Variants in STPG2 observed in about 807,000 individuals in gnomAD.
STPG2 encodes the protein sperm tail PG-rich repeat containing 2, also known as sperm-tail PG-rich repeat-containing protein 2.
In STPG2, 56 loss-of-function variants were observed where a neutral mutation model predicts 54.2. The ratio of observed to expected loss-of-function variants is 1.03; its 90% confidence interval spans 0.83 to 1.29. The LOEUF (loss-of-function observed/expected upper bound fraction) is 1.29, where lower values mean the gene tolerates loss of function less well. Ranked by LOEUF, STPG2 falls within the 50% of genes most tolerant of loss-of-function variation. STPG2 has a pLI of 0.00. For missense variants in STPG2, 596 were observed against 544.9 expected, an observed-to-expected ratio of 1.09 and a Z score of -0.93; for synonymous variants, 200 against 181.8, an observed-to-expected ratio of 1.10 and a Z score of -0.81.
chr4:97,959,723 A>C (rs938916781), intron 7 of STPG2, among the ~76,000 whole-genome samples: 2 of 152,078 alleles, frequency 1.3e-5, no homozygotes, highest in African/African-American at 2.4e-5. Flanking sequence ...AAGAAAAAAA[A>C]AAGTCCAGGA....
chr4:97,920,325 T>C (rs559079395), intron 8 of STPG2, among the ~76,000 whole-genome samples: 2 of 152,226 alleles, frequency 1.3e-5, no homozygotes, highest in Non-Finnish European at 2.9e-5. Flanking sequence ...CTTTGAGCTG[T>C]ACTTGTTTAG....
At chr4:97,566,630 C>G (rs1732454178) in intron 10 of STPG2, among the ~76,000 whole-genome samples, 1 of 152,106 alleles carries the variant, frequency 6.6e-6, no homozygotes, top group African/African-American at 2.4e-5. Context: ...TTGGAACCAA[C>G]CCAAATGTCC....
rs188930377 is a variant in STPG2 at position 97,805,002 on chromosome 4, G to T, written c.1204+35771C>A. Among the ~76,000 whole-genome samples, 25 of 152,118 alleles carry T rather than the reference G, an allele frequency of 1.6e-4. No homozygotes were observed. The East Asian group carries it at 3.1e-3, about 19-fold the overall frequency. Reference sequence around the variant, plus strand: ...TTACGCTCTATGATGTTCATACAAGGACAATATTACCTAACAACATATTTC... The same window carrying T: ...TTACGCTCTATGATGTTCATACAAGTACAATATTACCTAACAACATATTTC... On this transcript the variant is annotated intron_variant, in intron 9 of 10. Coordinates refer to ENST00000295268, the MANE Select transcript of STPG2 (RefSeq NM_174952.3).
chr4:98,095,905 T>C (rs1738843873), intron 5 of STPG2, among the ~76,000 whole-genome samples: 2 of 152,192 alleles, frequency 1.3e-5, no homozygotes, highest in South Asian at 4.1e-4. Flanking sequence ...GAATAGACTA[T>C]ATGTTAGTCC....
chr4:97,531,340 T>C (rs12504489), intron 4 of STPG2, among the ~76,000 whole-genome samples: 9,149 of 152,216 alleles, frequency 0.06, 404 homozygotes, highest in Admixed American at 0.14. Context: ...TACAATCCAA[T>C]AATCTCACTG....
chr4:97,908,726 G>T (rs1405344761), intron 8 of STPG2, among the ~76,000 whole-genome samples: 2 of 151,546 alleles, frequency 1.3e-5, no homozygotes, highest in Non-Finnish European at 2.9e-5. Context: ...GGACATGGAT[G>T]AAATTGGAAA....
At chr4:98,037,530 C>T (rs1187048209) in intron 5 of STPG2, among the ~76,000 whole-genome samples, 1 of 151,754 alleles carries the variant, frequency 6.6e-6, no homozygotes, top group African/African-American at 2.4e-5. Flanking sequence ...TTCTATTTAT[C>T]AGGAAGACAA....
At chr4:97,613,345 T>C (rs1733776148) in intron 10 of STPG2, among the ~76,000 whole-genome samples, 1 of 152,060 alleles carries the variant, frequency 6.6e-6, no homozygotes, top group African/African-American at 2.4e-5. Context: ...GTGATGTTCT[T>C]ATAATTAAAC....
chr4:97,703,597 TAAGTAGTGTATAG>T lies in STPG2; in HGVS notation c.1320+9089_1320+9101del, dbSNP rs1723848195. ...TAGTATATATAGTATATATATACTA[TAAGTAGTGTATAG>T]TATATATACTATATATATTATATAT... On this transcript the variant is annotated intron_variant, in intron 10 of 10. Transcript: ENST00000295268. Among the ~76,000 whole-genome samples the T allele has an allele frequency of 5.0e-5, 4 of 80,086 alleles. No homozygotes were observed. The Admixed American group carries it at 6.5e-4, about 13-fold the overall frequency. 52.5% of individuals were successfully genotyped at this position (80,086 alleles called of 152,430 possible). A position where few individuals can be genotyped will look rare whatever the true frequency, so the allele number is the denominator to read the frequency against.
chr4:97,918,580 TGTATACAC>T (rs1418348670), intron 8 of STPG2, among the ~76,000 whole-genome samples: 6 of 152,014 alleles, frequency 3.9e-5, no homozygotes, highest in Non-Finnish European at 7.4e-5. Context: ...TATGTGTATA[TGTATACAC>T]ATATATATAC....
intron 4 of STPG2, among the ~76,000 whole-genome samples, chr4:97,483,069 G>A (rs1293673515): frequency 6.6e-6 from 1 of 151,686 alleles, no homozygotes; most frequent in Non-Finnish European, 1.5e-5. Context: ...TCTAAGTCTT[G>A]AAACAAATTC....
chr4:97,867,416 C>G (rs1428611956), intron 8 of STPG2, among the ~76,000 whole-genome samples: 3 of 151,942 alleles, frequency 2.0e-5, no homozygotes, highest in African/African-American at 7.2e-5. Context: ...TTTCAATTAA[C>G]TCCTTGTGAG....
intron 5 of STPG2, among the ~76,000 whole-genome samples, chr4:98,035,240 A>G (rs1302560649): frequency 1.3e-5 from 2 of 152,208 alleles, no homozygotes; most frequent in African/African-American, 4.8e-5. Flanking sequence ...AAGAACTTAA[A>G]CAAATTTACA....
chr4:97,946,450 T>TA, intron 7 of STPG2, among the ~76,000 whole-genome samples: 1 of 152,238 alleles, frequency 6.6e-6, no homozygotes, highest in East Asian at 1.9e-4. Flanking sequence ...TTGGGAGACT[T>TA]AGTCATGAAT....
rs528343655 is a variant in STPG2 at position 97,548,801 on chromosome 4, A to C, written c.462+163898T>G. On this transcript the variant is annotated intron_variant, in intron 4 of 4. Coordinates refer to the STPG2 transcript ENST00000522676. ...AATTCTGATGATACTACTAAAAGAT[A>C]CACAAGGTATGTTAGAGAAAATTTC... is the stretch of plus-strand genomic sequence containing the variant. Among the ~76,000 whole-genome samples, 195 of 152,334 alleles carry C rather than the reference A, an allele frequency of 1.3e-3. 1 individual carries two copies. The highest frequency in any genetic ancestry group is 4.5e-3 in the African/African-American group (188 of 41,582).
intron 9 of STPG2, among the ~76,000 whole-genome samples, chr4:97,740,143 G>C (rs888055439): frequency 1.3e-5 from 2 of 152,106 alleles, no homozygotes; most frequent in African/African-American, 4.8e-5. Context: ...TGCAGAAAAG[G>C]CCTTTCACAA....
Position 97,860,284 on chromosome 4 carries a change from G to A in STPG2, c.1045-19352C>T, listed in dbSNP as rs72686432. Among the ~76,000 whole-genome samples, 1,149 of 151,960 alleles carry A rather than the reference G, an allele frequency of 7.6e-3. 10 individuals are homozygous for A. Among genetic ancestry groups the A allele is most frequent in the Non-Finnish European group, 9.2e-3 (628 of 67,974 alleles). Reference sequence around the variant, plus strand: ...TGAAGAATCATGATGGTACTTTTATGGGAATTGCATTAAATCTGTAGATTG... The same window carrying A: ...TGAAGAATCATGATGGTACTTTTATAGGAATTGCATTAAATCTGTAGATTG... On this transcript the variant is annotated intron_variant, in intron 8 of 10. Transcript: ENST00000295268.
At chr4:97,841,527 G>A (rs1166357298) in intron 8 of STPG2, among the ~76,000 whole-genome samples, 1 of 151,814 alleles carries the variant, frequency 6.6e-6, no homozygotes, top group Non-Finnish European at 1.5e-5. Flanking sequence ...TGTTGGACAA[G>A]TAATGCCTTA....
chr4:97,675,395 T>A (rs994529706), intron 10 of STPG2, among the ~76,000 whole-genome samples: 1 of 152,086 alleles, frequency 6.6e-6, no homozygotes, highest in Admixed American at 6.6e-5. Flanking sequence ...TCATAAAAAT[T>A]CAAGGCCTGC....
Sources: allele counts gnomAD v4.1 joint callset (sites outside exome capture counted in the v4.1 genomes callset), GRCh38; gene constraint gnomAD v4.1.1; transcripts MANE v1.5; gene names NCBI Gene and HGNC (gene_info 2026-07-23, HGNC 2026-07-21).